The following REEP3 variants were observed in gnomAD, a reference collection of about 807,000 sequenced individuals.
REEP3 encodes the protein receptor expression-enhancing protein 3.
In REEP3, 20 loss-of-function variants were observed where a neutral mutation model predicts 41.3. The ratio of observed to expected loss-of-function variants is 0.48; its 90% CI spans 0.34 to 0.70. The LOEUF (loss-of-function observed/expected upper bound fraction) is 0.70, where lower values mean the gene tolerates loss of function less well. REEP3 is among the 30% of genes least tolerant of loss of function. The probability of loss-of-function intolerance (pLI) is 0.01; values close to 1 mark genes in which losing one functional copy is unlikely to be tolerated. For synonymous variants in REEP3, 104 were observed against 101.8 expected (o/e 1.02, Z -0.13); for missense variants, 271 against 308.8 (o/e 0.88, Z 0.92).
At chr10:63,602,353 GAGA>G (rs1266697339) in intron 5 of REEP3, among the ~76,000 whole-genome samples, 4 of 152,308 alleles carry the variant, frequency 2.6e-5, no homozygotes, top group Middle Eastern at 3.4e-3. Flanking sequence ...GGATGAAGAG[GAGA>G]AGGAGACTAA....
intron 1 of REEP3, among the ~76,000 whole-genome samples, chr10:63,557,716 A>G (rs1370367211): frequency 6.6e-6 from 1 of 152,198 alleles, no homozygotes; most frequent in Non-Finnish European, 1.5e-5. Context: ...ATGATTTGAG[A>G]ATTTTTTTTC....
At chr10:63,549,994 T>C (rs1187731347) in intron 1 of REEP3, among the ~76,000 whole-genome samples, 4 of 152,228 alleles carry the variant, frequency 2.6e-5, no homozygotes, top group South Asian at 2.1e-4. Context: ...TGAGGAGGCC[T>C]GCTAGTGAAG....
chr10:63,572,698 C>A (rs1955864094), intron 2 of REEP3, among the ~76,000 whole-genome samples: 1 of 152,112 alleles, frequency 6.6e-6, no homozygotes, highest in African/African-American at 2.4e-5. Context: ...CTTATAGTAT[C>A]TGATGTTATA....
At chr10:63,602,690 CTTGT>C (rs1336279522) in intron 5 of REEP3, among the ~76,000 whole-genome samples, 4 of 152,080 alleles carry the variant, frequency 2.6e-5, no homozygotes, top group Non-Finnish European at 5.9e-5. Flanking sequence ...TTGTGCAGTA[CTTGT>C]TTTATTTTGA....
intron 3 of REEP3, among the ~76,000 whole-genome samples, chr10:63,596,002 AC>A (rs1358152196): frequency 4.6e-5 from 7 of 152,168 alleles, no homozygotes; most frequent in African/African-American, 1.7e-4. Flanking sequence ...GTGTCTACTT[AC>A]ATTTTGTCTG....
Position 63,619,649 on chromosome 10 carries a change from G to C in REEP3, c.566-6G>C, listed in dbSNP as rs776778253. 5 of 1,595,112 alleles carry C rather than the reference G, an allele frequency of 3.1e-6. No homozygotes were observed. The highest frequency in any genetic ancestry group is 2.7e-5 in the African/African-American group (2 of 74,630). On this transcript the variant is annotated splice_region_variant and splice_polypyrimidine_tract_variant and intron_variant, in intron 6 of 7. Coordinates refer to ENST00000373758, the MANE Select transcript of REEP3 (RefSeq NM_001001330.3). ...CAAAACATGCTGTTTTTGACAACTT[G>C]TTTAGGTTATGGAATTCCACTGAAA...
intron 2 of REEP3, among the ~76,000 whole-genome samples, chr10:63,577,585 G>A (rs985694415): frequency 1.3e-5 from 2 of 151,860 alleles, no homozygotes; most frequent in Non-Finnish European, 2.9e-5. Context: ...CACCACATCT[G>A]GCTATTTTTC....
intron 5 of REEP3, chr10:63,606,059 C>T (rs978999208): frequency 1.2e-6 from 1 of 815,910 alleles, no homozygotes; most frequent in Non-Finnish European, 1.5e-6. Flanking sequence ...TACTTAATTA[C>T]CTGGACTTTT....
At chr10:63,546,989 TCAGCTCA>T (rs200557823) in intron 1 of REEP3, among the ~76,000 whole-genome samples, 5,559 of 152,144 alleles carry the variant, frequency 0.037, 319 homozygotes, top group East Asian at 0.28. Context: ...TGGTGCAATC[TCAGCTCA>T]CTACAACCTC....
chr10:63,534,516 A>G (rs2133344088), intron 1 of REEP3, among the ~76,000 whole-genome samples: 1 of 152,288 alleles, frequency 6.6e-6, no homozygotes, highest in South Asian at 2.1e-4. Context: ...TCCCAAAGTG[A>G]TGGAATTACA....
chr10:63,573,179 G>A (rs745996812), intron 2 of REEP3, among the ~76,000 whole-genome samples: 6 of 152,152 alleles, frequency 3.9e-5, no homozygotes, highest in Admixed American at 1.3e-4. Context: ...CAAAACAAAT[G>A]GAAAGTACTG....
intron 5 of REEP3, among the ~76,000 whole-genome samples, chr10:63,600,031 A>G (rs2133413743): frequency 1.3e-5 from 2 of 152,340 alleles, no homozygotes; most frequent in South Asian, 4.1e-4. Context: ...TGCATATAGT[A>G]GGAGCCCAAT....
At chr10:63,567,638 T>C (rs1329473590) in intron 2 of REEP3, among the ~76,000 whole-genome samples, 1 of 152,260 alleles carries the variant, frequency 6.6e-6, no homozygotes, top group Non-Finnish European at 1.5e-5. Flanking sequence ...TGAATAGTAC[T>C]GCTACAAACA....
intron 1 of REEP3, among the ~76,000 whole-genome samples, chr10:63,563,531 A>C (rs1441126792): frequency 6.6e-6 from 1 of 152,128 alleles, no homozygotes; most frequent in African/African-American, 2.4e-5. Context: ...TATATATACT[A>C]TATTTTTTTA....
At chr10:63,537,296 A>G (rs1317221535) in intron 1 of REEP3, among the ~76,000 whole-genome samples, 2 of 152,228 alleles carry the variant, frequency 1.3e-5, no homozygotes, top group East Asian at 1.9e-4. Flanking sequence ...AGGCCCTACC[A>G]TAGGCAAAAC....
At chr10:63,584,887 G>A (rs1955990479) in intron 2 of REEP3, among the ~76,000 whole-genome samples, 1 of 152,062 alleles carries the variant, frequency 6.6e-6, no homozygotes, top group Non-Finnish European at 1.5e-5. Context: ...ACTCAGCAGA[G>A]ATTTTTTTTT....
At chr10:63,619,259 A>T (rs1464791582) in intron 6 of REEP3, among the ~76,000 whole-genome samples, 1 of 152,232 alleles carries the variant, frequency 6.6e-6, no homozygotes, top group Non-Finnish European at 1.5e-5. Context: ...AAAAGTGCAA[A>T]TGACAGACTA....
chr10:63,524,438 C>CT (rs1028959261), intron 1 of REEP3, among the ~76,000 whole-genome samples: 23 of 149,514 alleles, frequency 1.5e-4, no homozygotes, highest in Non-Finnish European at 7.5e-5. Flanking sequence ...GGACACCACT[C>CT]TTTTTTTTTT....
At chr10:63,605,418 G>A (rs972231990) in intron 5 of REEP3, among the ~76,000 whole-genome samples, 2 of 152,082 alleles carry the variant, frequency 1.3e-5, no homozygotes, top group Non-Finnish European at 1.5e-5. Flanking sequence ...TGTAACATCA[G>A]GGATCAACAA....
Sources: allele counts gnomAD v4.1 joint callset (sites outside exome capture counted in the v4.1 genomes callset), GRCh38; gene constraint gnomAD v4.1.1; transcripts MANE v1.5; gene names NCBI Gene and HGNC (gene_info 2026-07-23, HGNC 2026-07-21).